CDKAL1: variants seen among roughly 807,000 people sequenced by gnomAD.
CDKAL1 encodes threonylcarbamoyladenosine tRNA methylthiotransferase.
CDKAL1 carries 32 observed loss-of-function variants against 68.2 expected under a neutral mutation model. That is an observed-to-expected ratio of 0.47 (90% confidence interval 0.35 to 0.63). The LOEUF (loss-of-function observed/expected upper bound fraction) is 0.63. Ranked by LOEUF, CDKAL1 falls within the 30% of genes least tolerant of loss-of-function variation. The pLI is 0.00. For missense variants in CDKAL1, 606 were observed against 696.7 expected, an observed-to-expected ratio of 0.87 and a Z score of 1.47; for synonymous variants, 234 against 244.3, an observed-to-expected ratio of 0.96 and a Z score of 0.39.
chr6:20,870,796 AAAT>A (rs1413274291), intron 9 of CDKAL1, among the ~76,000 whole-genome samples: 3 of 152,212 alleles, frequency 2.0e-5, no homozygotes, highest in Non-Finnish European at 4.4e-5. Flanking sequence ...TTCAACATGT[AAAT>A]AATAATTCTT....
chr6:20,663,410 T>C (rs1163834895), intron 5 of CDKAL1, among the ~76,000 whole-genome samples: 2 of 152,098 alleles, frequency 1.3e-5, no homozygotes, highest in Non-Finnish European at 1.5e-5. Context: ...GTCCATTGTA[T>C]TGGAGGAGGT....
At chr6:20,831,924 T>A (rs1463247804) in intron 8 of CDKAL1, among the ~76,000 whole-genome samples, 3 of 152,158 alleles carry the variant, frequency 2.0e-5, no homozygotes, top group Non-Finnish European at 4.4e-5. Flanking sequence ...CTTCAATGAT[T>A]GCTCTCAATC....
At chr6:20,950,917 C>T (rs1336045922) in intron 9 of CDKAL1, among the ~76,000 whole-genome samples, 1 of 151,444 alleles carries the variant, frequency 6.6e-6, no homozygotes, top group Non-Finnish European at 1.5e-5. Context: ...TTACAGTGAG[C>T]CGAGATCGTG....
chr6:20,979,722 A>G (rs1766015329), intron 10 of CDKAL1, among the ~76,000 whole-genome samples: 1 of 151,968 alleles, frequency 6.6e-6, no homozygotes, highest in African/African-American at 2.4e-5. Context: ...TGTTACCTCA[A>G]AATAATTTTT....
intron 13 of CDKAL1, among the ~76,000 whole-genome samples, chr6:21,150,232 A>G (rs961161905): frequency 2.6e-5 from 4 of 152,180 alleles, no homozygotes; most frequent in Non-Finnish European, 5.9e-5. Context: ...AGGAGTTACC[A>G]AACAGCACGC....
At chr6:20,650,847 G>A (rs757948344) in intron 5 of CDKAL1, among the ~76,000 whole-genome samples, 7 of 152,062 alleles carry the variant, frequency 4.6e-5, no homozygotes, top group Non-Finnish European at 1.0e-4. Flanking sequence ...CAGGTTTGTT[G>A]AAGATCAGAT....
chr6:20,889,588 A>G (rs1379138923), intron 9 of CDKAL1, among the ~76,000 whole-genome samples: 2 of 151,960 alleles, frequency 1.3e-5, no homozygotes, highest in Admixed American at 6.6e-5. Context: ...CTTTCTACAT[A>G]TGGCCAGCAC....
At chr6:20,589,979 C>T (rs967799098) in intron 4 of CDKAL1, among the ~76,000 whole-genome samples, 1 of 152,034 alleles carries the variant, frequency 6.6e-6, no homozygotes, top group Non-Finnish European at 1.5e-5. Context: ...CTCTTTGTCC[C>T]CAGTTTTCTC....
chr6:21,189,106 TGG>T (rs2151095005), intron 13 of CDKAL1, among the ~76,000 whole-genome samples: 1 of 152,278 alleles, frequency 6.6e-6, no homozygotes, highest in African/African-American at 2.4e-5. Flanking sequence ...TTCCTCTTAC[TGG>T]GGTAGACACG....
At chr6:21,116,044 T>G (rs1774392508) in intron 13 of CDKAL1, among the ~76,000 whole-genome samples, 1 of 152,196 alleles carries the variant, frequency 6.6e-6, no homozygotes. Context: ...AGCTTGTGAT[T>G]TGAGTAGCAG....
chr6:20,565,126 C>T (rs910177666), intron 4 of CDKAL1, among the ~76,000 whole-genome samples: 1 of 151,374 alleles, frequency 6.6e-6, no homozygotes, highest in Non-Finnish European at 1.5e-5. Flanking sequence ...TTTTTTTATC[C>T]CATCAAAGCT....
In CDKAL1 at chr6:21,091,888, T is replaced by C. The variant is rs897203620; in HGVS notation, c.1237-16513T>C. ...TTTTTTTTTTTTTTTTTTTTTTTTT[T>C]TTTTTTTTTTTTTTTTGAGACGGAG... On this transcript the variant is annotated intron_variant, in intron 12 of 15. Coordinates refer to ENST00000274695, the MANE Select transcript of CDKAL1 (RefSeq NM_017774.3). 3.7e-4 allele frequency among the ~76,000 whole-genome samples: 7 copies of C among 19,104 alleles called. 1 individual carries two copies. Among genetic ancestry groups the C allele is most frequent in the South Asian group, 4.3e-3 (2 of 464 alleles). The allele number at this position is 19,104 out of a possible 152,430, so 12.5% of individuals were successfully genotyped here.
intron 11 of CDKAL1, among the ~76,000 whole-genome samples, chr6:21,044,691 GT>G (rs1490607789): frequency 3.9e-5 from 6 of 152,166 alleles, no homozygotes. Context: ...AAAGGCAGTA[GT>G]TTTCAAGTCC....
At position 20,764,059 on chromosome 6, in the gene CDKAL1, A is replaced by C. The variant is rs1774587581; in HGVS notation, c.517+5416A>C. On this transcript the variant is annotated intron_variant, in intron 7 of 15. Transcript: ENST00000274695. ...TTCATACGCACCTTAGTCTTGGCTC[A>C]TATGGTCATTAAAAACTTTTTTTTG... Among the ~76,000 whole-genome samples the C allele has an allele frequency of 3.9e-5, 6 of 152,104 alleles. No homozygotes were observed. In the South Asian group the frequency reaches 1.2e-3, roughly 31 times the overall value.
intron 13 of CDKAL1, among the ~76,000 whole-genome samples, chr6:21,191,959 A>G (rs912280430): frequency 8.8e-6 from 1 of 114,218 alleles, no homozygotes; most frequent in African/African-American, 3.3e-5. Flanking sequence ...AGCAAGGGAT[A>G]GTTTTACAGG....
intron 12 of CDKAL1, among the ~76,000 whole-genome samples, chr6:21,077,046 A>C (rs893986205): frequency 2.0e-5 from 3 of 152,180 alleles, no homozygotes; most frequent in Non-Finnish European, 2.9e-5. Flanking sequence ...ATATTTATTT[A>C]ACATAAACTT....
intron 11 of CDKAL1, among the ~76,000 whole-genome samples, chr6:21,021,111 G>T (rs1768637021): frequency 6.6e-6 from 1 of 152,166 alleles, no homozygotes; most frequent in Non-Finnish European, 1.5e-5. Context: ...TCCAGTAATT[G>T]AGAGCACAGG....
At chr6:20,719,423 C>A (rs942302746) in intron 5 of CDKAL1, among the ~76,000 whole-genome samples, 1 of 152,074 alleles carries the variant, frequency 6.6e-6, no homozygotes, top group African/African-American at 2.4e-5. Flanking sequence ...TCTACTAATA[C>A]GAGTGTACAT....
chr6:21,143,980 A>G (rs1220306197), intron 13 of CDKAL1, among the ~76,000 whole-genome samples: 1 of 142,656 alleles, frequency 7.0e-6, no homozygotes, highest in Non-Finnish European at 1.5e-5. Flanking sequence ...GGCTAAGGGA[A>G]GAGAGAGTTG....
Sources: gnomAD v4.1 joint callset for allele counts (sites outside exome capture counted in the v4.1 genomes callset) on GRCh38, gnomAD v4.1.1 for gene constraint, MANE v1.5 for transcripts, NCBI Gene and HGNC (gene_info 2026-07-23, HGNC 2026-07-21) for gene names.